RBL1: variants seen among roughly 807,000 people sequenced by gnomAD.
RBL1 encodes RB transcriptional corepressor like 1.
Under a neutral mutation model 123.0 loss-of-function variants are expected in RBL1, and 82 were observed. The ratio of observed to expected loss-of-function variants is 0.67; its 90% confidence interval spans 0.56 to 0.80. The LOEUF (loss-of-function observed/expected upper bound fraction) is 0.80, where lower values mean the gene tolerates loss of function less well. Ranked by LOEUF, RBL1 falls within the 30% of genes least tolerant of loss-of-function variation. The probability of loss-of-function intolerance (pLI) is 0.00; values close to 1 mark genes in which losing one functional copy is unlikely to be tolerated. For synonymous variants in RBL1, 405 were observed against 441.3 expected, an observed-to-expected ratio of 0.92 and a Z score of 1.03; for missense variants, 1,171 against 1,299.6, an observed-to-expected ratio of 0.90 and a Z score of 1.52.
At chr20:37,056,015 C>G in intron 10 of RBL1, 131 bp downstream of exon 10, 1 of 1,420,826 alleles carries the variant, frequency 7.0e-7, no homozygotes, top group East Asian at 2.7e-5. Flanking sequence ...CCATTGCACT[C>G]CAGCCTGGGC....
Position 37,038,404 on chromosome 20 carries a change from T to C in RBL1, c.1903+1749A>G, listed in dbSNP as rs1313837457. On this transcript the variant is annotated intron_variant, in intron 14 of 21. Transcript: ENST00000373664. ...GCAACCTCTGCCTCCCAGGTTCAAGTGATTCCCTGCCTCAGCCTCCCGAGT... is the reference window on the plus strand; with the variant it reads ...GCAACCTCTGCCTCCCAGGTTCAAGCGATTCCCTGCCTCAGCCTCCCGAGT... Among the ~76,000 whole-genome samples, 6 of 147,230 alleles carry C rather than the reference T, an allele frequency of 4.1e-5. No homozygotes were observed. In the East Asian group the frequency reaches 1.2e-3, roughly 30 times the overall value.
intron 19 of RBL1, among the ~76,000 whole-genome samples, chr20:37,008,851 G>T (rs1314905327): frequency 2.6e-5 from 4 of 151,822 alleles, no homozygotes; most frequent in Non-Finnish European, 5.9e-5. Flanking sequence ...GAGGGGAGGG[G>T]AGCTATGTGG....
At chr20:37,081,897 C>G in intron 2 of RBL1, 1 of 431,768 alleles carries the variant, frequency 2.3e-6, no homozygotes, top group Non-Finnish European at 4.7e-6. Context: ...CCAGAGACCC[C>G]TGCTGGCTCA....
At chr20:37,058,139 AC>A (rs1568865713) in intron 9 of RBL1, among the ~76,000 whole-genome samples, 13 of 72,670 alleles carry the variant, frequency 1.8e-4, no homozygotes, top group African/African-American at 3.7e-4. Flanking sequence ...ACAAAACAAA[AC>A]AAAAAAAAAA....
chr20:37,014,149 C>T (rs1480325773), intron 19 of RBL1, among the ~76,000 whole-genome samples: 2 of 149,560 alleles, frequency 1.3e-5, no homozygotes, highest in Non-Finnish European at 1.5e-5. Context: ...AAGATCATGG[C>T]TCACTGCAGC....
intron 11 of RBL1, among the ~76,000 whole-genome samples, chr20:37,050,679 G>A (rs1049915434): frequency 2.6e-5 from 4 of 151,714 alleles, no homozygotes; most frequent in Non-Finnish European, 5.9e-5. Context: ...ATAAATCAGT[G>A]GGCAATGTAC....
intron 2 of RBL1, among the ~76,000 whole-genome samples, chr20:37,069,338 A>C (rs1600574589): frequency 7.8e-6 from 1 of 128,878 alleles, no homozygotes. Flanking sequence ...CTGGCTGCCC[A>C]GTCTGGAAAG....
At chr20:37,003,646 G>T in intron 21 of RBL1, 56 bp downstream of exon 21, 1 of 1,490,268 alleles carries the variant, frequency 6.7e-7, no homozygotes, top group South Asian at 1.4e-5. Flanking sequence ...AAAGAGGCAG[G>T]ATTAACAGTT....
At chr20:37,024,237 G>A (rs2064387595) in intron 16 of RBL1, among the ~76,000 whole-genome samples, 1 of 152,100 alleles carries the variant, frequency 6.6e-6, no homozygotes, top group South Asian at 2.1e-4. Context: ...TGACTCCAAA[G>A]CCACCAGTGA....
intron 19 of RBL1, among the ~76,000 whole-genome samples, chr20:37,014,191 A>G (rs536687357): frequency 1.3e-5 from 2 of 151,620 alleles, no homozygotes; most frequent in East Asian, 3.9e-4. Context: ...CAACCTCCCA[A>G]TTCAGCCTCC....
At chr20:37,012,137 T>C (rs1395506765) in intron 19 of RBL1, among the ~76,000 whole-genome samples, 3 of 152,236 alleles carry the variant, frequency 2.0e-5, no homozygotes, top group South Asian at 2.1e-4. Context: ...GGTGCCGGGA[T>C]TGCAGACGGA....
intron 7 of RBL1, among the ~76,000 whole-genome samples, chr20:37,065,098 AT>A (rs1314803729): frequency 1.3e-5 from 2 of 151,684 alleles, no homozygotes; most frequent in Non-Finnish European, 1.5e-5. Context: ...CGTCTGGCTG[AT>A]TTTTGTATTT....
intron 8 of RBL1, among the ~76,000 whole-genome samples, chr20:37,061,774 C>T (rs139087536): frequency 6.6e-6 from 1 of 152,194 alleles, no homozygotes; most frequent in East Asian, 1.9e-4. Context: ...TTTAAAGCAA[C>T]GTAACGGAGC....
intron 21 of RBL1, among the ~76,000 whole-genome samples, chr20:37,000,162 G>A (rs762908257): frequency 3.3e-5 from 5 of 149,394 alleles, no homozygotes; most frequent in Non-Finnish European, 5.9e-5. Context: ...GAAGTGAGGA[G>A]ACCCTCTGCC....
intron 2 of RBL1, among the ~76,000 whole-genome samples, chr20:37,086,071 C>G (rs1297342294): frequency 6.6e-6 from 1 of 152,134 alleles, no homozygotes; most frequent in Non-Finnish European, 1.5e-5. Context: ...ATGTACTGCT[C>G]TACATTTGTT....
chr20:37,070,185 C>G (rs2065262611), intron 2 of RBL1, among the ~76,000 whole-genome samples: 1 of 152,202 alleles, frequency 6.6e-6, no homozygotes, highest in Non-Finnish European at 1.5e-5. Context: ...ACCCTGTGCT[C>G]TCTGAAACAA....
chr20:37,085,642 A>G (rs936115976), intron 2 of RBL1, among the ~76,000 whole-genome samples: 3 of 130,848 alleles, frequency 2.3e-5, no homozygotes, highest in Non-Finnish European at 3.2e-5. Context: ...ATTATTTGAA[A>G]TTTGATTTTT....
At chr20:37,076,936 A>ATTT (rs547969796) in intron 2 of RBL1, among the ~76,000 whole-genome samples, 4 of 135,200 alleles carry the variant, frequency 3.0e-5, no homozygotes, top group Non-Finnish European at 3.2e-5. Flanking sequence ...TTGCTTTATC[A>ATTT]TTTTTTTTTT....
At chr20:37,037,780 A>G (rs904728326) in intron 14 of RBL1, among the ~76,000 whole-genome samples, 7 of 151,834 alleles carry the variant, frequency 4.6e-5, no homozygotes, top group Non-Finnish European at 7.4e-5. Flanking sequence ...GGTTCAAGCA[A>G]TTCTCTTGCC....
Sources: allele counts gnomAD v4.1 joint callset (sites outside exome capture counted in the v4.1 genomes callset), GRCh38; gene constraint gnomAD v4.1.1; transcripts MANE v1.5; gene names NCBI Gene and HGNC (gene_info 2026-07-23, HGNC 2026-07-21).